RORA: variants seen among roughly 807,000 people sequenced by gnomAD.
RORA encodes the protein RAR related orphan receptor A.
RORA carries 7 observed loss-of-function variants against 69.5 expected under a neutral mutation model. The ratio of observed to expected loss-of-function variants is 0.10; its 90% CI spans 0.06 to 0.19. RORA has a LOEUF of 0.19. Among genes scored for constraint, RORA ranks in the 10% least tolerant of loss-of-function variants. The probability of loss-of-function intolerance (pLI) is 1.00; values close to 1 mark genes in which losing one functional copy is unlikely to be tolerated. For synonymous variants in RORA, 261 were observed against 240.8 expected, an observed-to-expected ratio of 1.08 and a Z score of -0.78; for missense variants, 457 against 663.0, an observed-to-expected ratio of 0.69 and a Z score of 3.41.
intron 1 of RORA, among the ~76,000 whole-genome samples, chr15:61,054,085 A>G (rs2078056217): frequency 6.6e-6 from 1 of 151,860 alleles, no homozygotes; most frequent in African/African-American, 2.4e-5. Context: ...GGAAAACTGT[A>G]GTTTGTTTCA....
rs1567058725 is a variant in RORA at position 60,523,052 on chromosome 15, A to AAAAAAAAAAACACAC, written c.283-8296_283-8295insGTGTGTTTTTTTTTT. Among the ~76,000 whole-genome samples the AAAAAAAAAAACACAC allele has an allele frequency of 9.4e-5, 14 of 148,824 alleles. No homozygotes were observed. In the South Asian group the frequency reaches 1.1e-3, roughly 11 times the overall value. ...GACTCTGCCTCAAAAAAAAAACACA[A>AAAAAAAAAAACACAC]AAAAAAAAACTGATGAAAATTATAA... On this transcript the variant is annotated intron_variant, in intron 3 of 10. Transcript: ENST00000335670.
intron 1 of RORA, among the ~76,000 whole-genome samples, chr15:61,101,332 AG>A (rs2078876115): frequency 6.6e-6 from 1 of 152,316 alleles, no homozygotes; most frequent in East Asian, 1.9e-4. Flanking sequence ...GAAGCAAAGT[AG>A]GGTCATGAGA....
At chr15:60,973,192 A>ACCT (rs1893774278) in intron 1 of RORA, among the ~76,000 whole-genome samples, 1 of 152,166 alleles carries the variant, frequency 6.6e-6, no homozygotes. Context: ...GGAACATGAA[A>ACCT]GATGCTGAAA....
At chr15:60,748,722 A>C (rs1304444007) in intron 1 of RORA, among the ~76,000 whole-genome samples, 3 of 152,192 alleles carry the variant, frequency 2.0e-5, no homozygotes, top group African/African-American at 7.2e-5. Flanking sequence ...ATTTTTAGGC[A>C]GTATGGATTT....
intron 1 of RORA, among the ~76,000 whole-genome samples, chr15:60,720,704 G>C (rs1237879609): frequency 6.6e-6 from 1 of 152,160 alleles, no homozygotes; most frequent in Non-Finnish European, 1.5e-5. Context: ...TCCTGGCAGT[G>C]ATTATCTGGT....
At chr15:60,847,257 C>T (rs2073276349) in intron 1 of RORA, among the ~76,000 whole-genome samples, 1 of 151,484 alleles carries the variant, frequency 6.6e-6, no homozygotes, top group South Asian at 2.1e-4. Context: ...AGGGTGAACG[C>T]AGAGGTGAAC....
intron 1 of RORA, among the ~76,000 whole-genome samples, chr15:61,175,826 G>A (rs1375296471): frequency 6.6e-6 from 1 of 152,128 alleles, no homozygotes. Context: ...CATATTTCTT[G>A]CTCTGAGTTG....
At chr15:60,893,476 C>G (rs150032455) in intron 1 of RORA, among the ~76,000 whole-genome samples, 1,966 of 152,312 alleles carry the variant, frequency 0.013, 17 homozygotes, top group Non-Finnish European at 0.017. Context: ...CTCCTGGCAC[C>G]GCCCCTGACT....
intron 1 of RORA, among the ~76,000 whole-genome samples, chr15:60,861,263 T>C (rs1287250100): frequency 1.3e-5 from 2 of 152,016 alleles, no homozygotes; most frequent in African/African-American, 4.8e-5. Flanking sequence ...ATAACATATC[T>C]CAGAAAAAAA....
At chr15:60,970,653 T>C (rs1595853082) in intron 1 of RORA, among the ~76,000 whole-genome samples, 1 of 152,212 alleles carries the variant, frequency 6.6e-6, no homozygotes, top group East Asian at 1.9e-4. Context: ...AATCATAGGA[T>C]TAGATCCAAC....
At chr15:60,899,796 G>C (rs1222060388) in intron 1 of RORA, among the ~76,000 whole-genome samples, 1 of 152,190 alleles carries the variant, frequency 6.6e-6, no homozygotes, top group Non-Finnish European at 1.5e-5. Flanking sequence ...ACAAATTCCA[G>C]GGAATGTGTG....
chr15:60,617,805 C>G (rs2069294738), intron 2 of RORA, among the ~76,000 whole-genome samples: 1 of 151,322 alleles, frequency 6.6e-6, no homozygotes, highest in South Asian at 2.1e-4. Flanking sequence ...AAGGAGGCCT[C>G]AGTTCATCCA....
chr15:60,768,399 G>T (rs1407856786), intron 1 of RORA, among the ~76,000 whole-genome samples: 1 of 152,192 alleles, frequency 6.6e-6, no homozygotes, highest in Non-Finnish European at 1.5e-5. Flanking sequence ...GAACGTACCT[G>T]AAAGGATGGG....
chr15:60,746,215 AC>A (rs2071646662), intron 1 of RORA, among the ~76,000 whole-genome samples: 3 of 152,228 alleles, frequency 2.0e-5, no homozygotes, highest in South Asian at 2.1e-4. Context: ...CTCTTGGAAG[AC>A]AGCATCCCAA....
chr15:61,060,030 A>AGAG (rs1566968868), intron 1 of RORA, among the ~76,000 whole-genome samples: 1 of 146,520 alleles, frequency 6.8e-6, no homozygotes, highest in Non-Finnish European at 1.5e-5. Flanking sequence ...AAGAAGAAGA[A>AGAG]GAAGAAGAAG....
rs560101310 is a variant in RORA at position 60,951,208 on chromosome 15, G to A, written c.167-272522C>T. ...ATGACTAGTGGATACATAACGAAAC[G>A]AAGGCAGAAATAAAGATGTTCTTTG... On this transcript the variant is annotated intron_variant, in intron 1 of 10. Coordinates refer to ENST00000335670, the MANE Select transcript of RORA (RefSeq NM_134261.3). Among the ~76,000 whole-genome samples the A allele has an allele frequency of 1.7e-4, 26 of 151,948 alleles. No homozygotes were observed. The South Asian group carries it at 3.1e-3, about 18-fold the overall frequency.
chr15:61,090,505 A>G (rs950666127), intron 1 of RORA, among the ~76,000 whole-genome samples: 3 of 152,188 alleles, frequency 2.0e-5, no homozygotes, highest in Non-Finnish European at 4.4e-5. Context: ...AAATGTACTC[A>G]TTGTGTAATT....
chr15:60,902,738 A>G (rs877862), intron 1 of RORA, among the ~76,000 whole-genome samples: 76,561 of 151,982 alleles, frequency 0.5, 20,721 homozygotes, highest in Non-Finnish European at 0.61. Flanking sequence ...TCTGTGTTAA[A>G]AATACTCCCA....
At chr15:60,608,485 C>T (rs1274765532) in intron 2 of RORA, among the ~76,000 whole-genome samples, 1 of 152,164 alleles carries the variant, frequency 6.6e-6, no homozygotes, top group Non-Finnish European at 1.5e-5. Context: ...GATCACACCG[C>T]TGATGGTAGA....
Sources: gnomAD v4.1 joint callset for allele counts (sites outside exome capture counted in the v4.1 genomes callset) on GRCh38, gnomAD v4.1.1 for gene constraint, MANE v1.5 for transcripts, NCBI Gene and HGNC (gene_info 2026-07-23, HGNC 2026-07-21) for gene names.